SCIMP: variants seen among roughly 807,000 people sequenced by gnomAD.
SCIMP encodes the protein SLP adaptor and CSK interacting membrane protein, also known as SLP adapter and CSK-interacting membrane protein.
SCIMP carries 18 observed loss-of-function variants against 22.0 expected under a neutral mutation model. The ratio of observed to expected loss-of-function variants is 0.82; its 90% CI spans 0.56 to 1.21. The LOEUF (loss-of-function observed/expected upper bound fraction) is 1.21, where lower values mean the gene tolerates loss of function less well. SCIMP is among the 50% of genes most tolerant of loss of function. SCIMP has a pLI of 0.00. For synonymous variants in SCIMP, 53 were observed against 62.2 expected, an observed-to-expected ratio of 0.85 and a Z score of 0.70; for missense variants, 155 against 171.2, an observed-to-expected ratio of 0.91 and a Z score of 0.53.
intron 3 of SCIMP, chr17:5,220,875 T>C: frequency 3.1e-6 from 1 of 326,730 alleles, no homozygotes; most frequent in Non-Finnish European, 5.9e-6. Context: ...CTGGCCAACA[T>C]GGCGAAACCC....
Position 5,215,006 on chromosome 17 carries a change from G to C in SCIMP, c.210-8C>G. ...GACTCATTAAGAACATTCCTAGAGA[G>C]AGAGAAAGAGAGAGAATCAGTGTTT... On this transcript the variant is annotated splice_polypyrimidine_tract_variant and splice_region_variant and intron_variant, in intron 3 of 4. Coordinates refer to ENST00000574081, the MANE Select transcript of SCIMP (RefSeq NM_207103.3). 10 of 1,568,964 alleles carry C rather than the reference G, an allele frequency of 6.4e-6. No homozygotes were observed. Among genetic ancestry groups the C allele is most frequent in the Non-Finnish European group, 7.9e-6 (9 of 1,139,248 alleles).
At chr17:5,231,808 A>G (rs1262720896) in intron 1 of SCIMP, among the ~76,000 whole-genome samples, 2 of 152,172 alleles carry the variant, frequency 1.3e-5, no homozygotes, top group African/African-American at 4.8e-5. Context: ...TAATCCCAGC[A>G]CTTTGGGAGG....
chr17:5,232,118 G>T (rs968505834), intron 1 of SCIMP, among the ~76,000 whole-genome samples: 3 of 152,252 alleles, frequency 2.0e-5, no homozygotes, highest in African/African-American at 7.2e-5. Context: ...AGCAGAATGG[G>T]CCTCATTTGG....
rs751946546 is a variant in SCIMP at position 5,223,427 on chromosome 17, A to G, written c.51T>C (p.Asn17=). ...QDSTAMSWWR[N]NFWIILAVAI... is the part of the protein sequence containing the mutation. ...CCACAGCTAAGATGATCCAGAAATT[A>G]TTCCTCCACCAGCTCATTGCAGTGG... The change falls in exon 2 of 5, where the codon AAT becomes AAC. Residue 17 remains asparagine (N), a synonymous_variant. Transcript: ENST00000574081. 6.2e-7 allele frequency: 1 copy of G among 1,613,826 alleles called. No individual in the cohort carries two copies. The highest frequency in any genetic ancestry group is 8.5e-7 in the Non-Finnish European group (1 of 1,179,760).
intron 1 of SCIMP, among the ~76,000 whole-genome samples, chr17:5,225,513 A>G (rs545017959): frequency 6.6e-6 from 1 of 152,116 alleles, no homozygotes; most frequent in Non-Finnish European, 1.5e-5. Context: ...GTAATCTCAT[A>G]ACTTTGGGTG....
chr17:5,223,508 G>T (rs779924074), intron 1 of SCIMP, 52 bp from the exon 2 acceptor site: 3 of 1,589,156 alleles, frequency 1.9e-6, no homozygotes, highest in Non-Finnish European at 2.6e-6. Flanking sequence ...ATATCCTGGG[G>T]TTGGGTGGAG....
chr17:5,227,302 C>CAT (rs1313996799), intron 1 of SCIMP, among the ~76,000 whole-genome samples: 1 of 151,116 alleles, frequency 6.6e-6, no homozygotes, highest in Non-Finnish European at 1.5e-5. Context: ...AACACACACA[C>CAT]ACACACACAC....
In SCIMP at chr17:5,210,956, C is replaced by T. The variant is rs761274771; in HGVS notation, c.284-1G>A. The T allele has an allele frequency of 6.3e-7, 1 of 1,598,410 alleles. No individual in the cohort carries two copies. The highest frequency in any genetic ancestry group is 1.1e-5 in the South Asian group (1 of 87,696). On this transcript the variant is annotated splice_acceptor_variant, in intron 4 of 4. Coordinates refer to ENST00000574081, the MANE Select transcript of SCIMP (RefSeq NM_207103.3). LOFTEE classifies it high-confidence loss of function. ...GGCTGACTTGGGGCTTCCTGTGGGGCTAGAATACACAAAAAGCTCCTTAGA... is the reference window on the plus strand; with the variant it reads ...GGCTGACTTGGGGCTTCCTGTGGGGTTAGAATACACAAAAAGCTCCTTAGA...
chr17:5,221,292 C>T lies in SCIMP; in HGVS notation c.204G>A (p.Met68Ile), dbSNP rs1453341204. ...LKHKQVDEEK[M>I]YENVLNESPV... ...AAGGATTCCCCCCTACTTACTCATACATCTTTTCTTCATCTACTTGCTTGT... is the reference window on the plus strand; with the variant it reads ...AAGGATTCCCCCCTACTTACTCATATATCTTTTCTTCATCTACTTGCTTGT... Residue 68 changes from methionine to isoleucine, a missense_variant, in exon 3 of 5, where the codon ATG (methionine) becomes ATA (isoleucine). By Grantham distance (10) the Met-to-Ile change is conservative (BLOSUM62 1). Transcript: ENST00000574081. The T allele has an allele frequency of 6.2e-7, 1 of 1,611,954 alleles. No homozygotes were observed. Among genetic ancestry groups the T allele is most frequent in the Non-Finnish European group, 8.5e-7 (1 of 1,178,154 alleles).
intron 1 of SCIMP, among the ~76,000 whole-genome samples, chr17:5,225,136 G>A (rs941688748): frequency 6.6e-6 from 1 of 152,166 alleles, no homozygotes; most frequent in Non-Finnish European, 1.5e-5. Context: ...TTATGCTGTG[G>A]TGTCGCCTTT....
intron 3 of SCIMP, among the ~76,000 whole-genome samples, chr17:5,220,015 C>G (rs574370098): frequency 6.6e-6 from 1 of 152,142 alleles, no homozygotes; most frequent in African/African-American, 2.4e-5. Flanking sequence ...TGTATTCTTT[C>G]GCCATAATGT....
intron 3 of SCIMP, among the ~76,000 whole-genome samples, chr17:5,218,809 A>G (rs772719557): frequency 6.6e-6 from 1 of 152,164 alleles, no homozygotes; most frequent in Non-Finnish European, 1.5e-5. Context: ...AATGTTTTGT[A>G]TACAGGGTCT....
chr17:5,223,414 T>C lies in SCIMP; in HGVS notation c.64A>G (p.Ile22Val), dbSNP rs1423987388. 3 of 1,613,362 alleles carry C rather than the reference T, an allele frequency of 1.9e-6. No individual in the cohort carries two copies. The highest frequency in any genetic ancestry group is 2.2e-5 in the South Asian group (2 of 91,032). Residue 22 changes from isoleucine (I) to valine (V), a missense_variant, in exon 2 of 5, where the codon ATC becomes GTC. Transcript: ENST00000574081. ...MSWWRNNFWI[I>V]LAVAIIVVSV... ...ACAACGATGATGGCCACAGCTAAGA[T>C]GATCCAGAAATTATTCCTCCACCAG...
intron 1 of SCIMP, among the ~76,000 whole-genome samples, chr17:5,232,285 A>C (rs1202858679): frequency 7.4e-6 from 1 of 135,406 alleles, no homozygotes; most frequent in Admixed American, 7.3e-5. Flanking sequence ...AGTCTGCTGC[A>C]TCTGCCAATT....
At chr17:5,229,057 C>T in intron 1 of SCIMP, among the ~76,000 whole-genome samples, 1 of 152,218 alleles carries the variant, frequency 6.6e-6, no homozygotes, top group South Asian at 2.1e-4. Flanking sequence ...CCATTGGCTA[C>T]TGGGGCCAAG....
Position 5,209,050 on chromosome 17 carries a change from C to T in SCIMP, c.*1751G>A, listed in dbSNP as rs2074508325. 1 of 152,162 alleles carries T rather than the reference C, an allele frequency of 6.6e-6. No individual in the cohort carries two copies. Among genetic ancestry groups the T allele is most frequent in the South Asian group, 2.1e-4 (1 of 4,826 alleles). 9.4% of individuals were successfully genotyped at this position (152,162 alleles called of 1,614,324 possible). A position where few individuals can be genotyped will look rare whatever the true frequency, so the allele number is the denominator to read the frequency against. On this transcript the variant is annotated 3_prime_UTR_variant, in exon 5 of 5. Transcript: ENST00000574081. The stretch of plus-strand genomic sequence containing the variant: ...TTTGTTCTATAATTTGGGAAGAGTC[C>T]TCTCTTTGGCTGGTGGGATACCAGA...
At chr17:5,212,912 A>G (rs2074535992) in intron 4 of SCIMP, 1 of 152,934 alleles carries the variant, frequency 6.5e-6, no homozygotes, top group Non-Finnish European at 1.4e-5. Context: ...ATAATACATA[A>G]ATGAACAATA....
At position 5,210,927 on chromosome 17, in the gene SCIMP, G is replaced by C. The variant is rs748934299; in HGVS notation, c.312C>G (p.Pro104=). ...SSPQEAPSQP[P]ATYSLVNKVK... ...CTTTATTTACCAGTGAGTATGTAGC[G>C]GGCGGCTGACTTGGGGCTTCCTGTG... Residue 104 remains proline, a synonymous_variant, in exon 5 of 5, where the codon CCC becomes CCG. Coordinates refer to ENST00000574081, the MANE Select transcript of SCIMP (RefSeq NM_207103.3). 9.3e-6 allele frequency: 15 copies of C among 1,613,024 alleles called. No homozygotes were observed. The South Asian group carries it at 1.5e-4, about 17-fold the overall frequency.
intron 1 of SCIMP, among the ~76,000 whole-genome samples, chr17:5,231,369 A>G (rs1046939472): frequency 2.6e-5 from 4 of 152,010 alleles, no homozygotes; most frequent in African/African-American, 7.2e-5. Context: ...TCAAAAAAAA[A>G]AAAAGAAAAG....
Sources: gnomAD v4.1 joint callset for allele counts (sites outside exome capture counted in the v4.1 genomes callset) on GRCh38, gnomAD v4.1.1 for gene constraint, MANE v1.5 for transcripts, NCBI Gene and HGNC (gene_info 2026-07-23, HGNC 2026-07-21) for gene names.